The following STIM2 variants were observed in gnomAD, a reference collection of about 807,000 sequenced individuals.
STIM2 encodes the protein stromal interaction molecule 2.
In STIM2, 31 loss-of-function variants were observed where a neutral mutation model predicts 85.8. The observed-to-expected ratio is 0.36, with a 90% CI of 0.27 to 0.49. The LOEUF is 0.49. STIM2 is among the 20% of genes least tolerant of loss of function. The pLI, the probability that STIM2 is intolerant of heterozygous loss-of-function variation, is 0.98. For missense variants in STIM2, 841 were observed against 927.6 expected, an observed-to-expected ratio of 0.91 and a Z score of 1.21; for synonymous variants, 356 against 331.1, an observed-to-expected ratio of 1.08 and a Z score of -0.82.
chr4:26,957,598 TTTCTC>T lies in STIM2; in HGVS notation c.283-9_283-5del, dbSNP rs1211465070. The stretch of plus-strand genomic sequence containing the variant: ...AATGAATTTATATTTAACTTAATGT[TTTCTC>T]TTCTATAGTTCATCAGAGAAGATAT... On this transcript the variant is annotated splice_polypyrimidine_tract_variant and intron_variant, in intron 2 of 11. Coordinates refer to ENST00000467087, the MANE Select transcript of STIM2 (RefSeq NM_020860.4). 1.5e-6 allele frequency: 2 copies of T among 1,364,782 alleles called. No homozygotes were observed. Among genetic ancestry groups the T allele is most frequent in the Non-Finnish European group, 2.0e-6 (2 of 1,005,308 alleles). 84.5% of individuals were successfully genotyped at this position (1,364,782 alleles called of 1,614,324 possible).
chr4:27,008,956 T>G lies in STIM2; in HGVS notation c.1443T>G (p.Val481=), dbSNP rs769392933. The change falls in exon 10 of 12, where the codon GTT becomes GTG. Residue 481 remains valine (V), a synonymous_variant. Coordinates refer to ENST00000467087, the MANE Select transcript of STIM2 (RefSeq NM_020860.4). ...CACCCTATCCAATTGCTGGAGGAGTTGATGACTTAGATGAAGACACACCCC... is the reference window on the plus strand; with the variant it reads ...CACCCTATCCAATTGCTGGAGGAGTGGATGACTTAGATGAAGACACACCCC... 3.1e-6 allele frequency: 5 copies of G among 1,613,994 alleles called. No individual in the cohort carries two copies. In the African/African-American group the frequency reaches 6.7e-5, roughly 22 times the overall value.
intron 10 of STIM2, among the ~76,000 whole-genome samples, chr4:27,010,318 C>T (rs1377676957): frequency 6.6e-6 from 1 of 151,990 alleles, no homozygotes; most frequent in Non-Finnish European, 1.5e-5. Flanking sequence ...GTGGTGTGCG[C>T]CTGTAATCTC....
intron 1 of STIM2, among the ~76,000 whole-genome samples, chr4:26,901,107 A>G (rs376045300): frequency 1.1e-4 from 16 of 152,212 alleles, no homozygotes; most frequent in African/African-American, 3.9e-4. Flanking sequence ...CACCTAGGAC[A>G]TGCTACAAGG....
At chr4:27,001,764 G>A (rs2109130993) in intron 5 of STIM2, among the ~76,000 whole-genome samples, 1 of 152,252 alleles carries the variant, frequency 6.6e-6, no homozygotes, top group South Asian at 2.1e-4. Flanking sequence ...GCCTCCTTGG[G>A]GAAAATACAT....
At chr4:26,873,171 G>A (rs560962479) in intron 1 of STIM2, among the ~76,000 whole-genome samples, 6 of 152,204 alleles carry the variant, frequency 3.9e-5, no homozygotes, top group South Asian at 2.1e-4. Flanking sequence ...AGGCCGAGGC[G>A]GGCGGATCAC....
At chr4:26,928,414 G>C (rs1391768776) in intron 2 of STIM2, among the ~76,000 whole-genome samples, 1 of 152,176 alleles carries the variant, frequency 6.6e-6, no homozygotes, top group Admixed American at 6.5e-5. Flanking sequence ...TATACACAGA[G>C]AAAGTATCAA....
intron 1 of STIM2, among the ~76,000 whole-genome samples, chr4:26,885,614 A>T (rs1374979978): frequency 6.6e-6 from 1 of 151,822 alleles, no homozygotes; most frequent in Non-Finnish European, 1.5e-5. Flanking sequence ...TAGGATTTTA[A>T]TGTGTGATAT....
chr4:26,895,830 A>G (rs1183871825), intron 1 of STIM2, among the ~76,000 whole-genome samples: 1 of 152,230 alleles, frequency 6.6e-6, no homozygotes, highest in Non-Finnish European at 1.5e-5. Context: ...TTCTCTTTGT[A>G]AGGGTGTTTG....
At chr4:26,982,095 T>C (rs933728238) in intron 3 of STIM2, among the ~76,000 whole-genome samples, 3 of 152,182 alleles carry the variant, frequency 2.0e-5, no homozygotes, top group Non-Finnish European at 4.4e-5. Flanking sequence ...GGTTGCTAAA[T>C]GGTAACTTTT....
rs1178692719 is a variant in STIM2 at position 27,017,825 on chromosome 4, C to G, written c.1604C>G (p.Ala535Gly). The change falls in exon 11 of 12, where the codon GCC becomes GGC. Residue 535 changes from alanine (A) to glycine (G), a missense_variant. Coordinates refer to ENST00000467087, the MANE Select transcript of STIM2 (RefSeq NM_020860.4). The stretch of plus-strand genomic sequence containing the variant: ...CAGCGAGCTCAGCTTGCTCCACACG[C>G]CCCCCACCCGTCACACCCTCGGCAC... 4 of 1,613,986 alleles carry G rather than the reference C, an allele frequency of 2.5e-6. No individual in the cohort carries two copies. The highest frequency in any genetic ancestry group is 1.7e-5 in the Admixed American group (1 of 60,000).
At chr4:26,902,345 T>C (rs968611881) in intron 1 of STIM2, among the ~76,000 whole-genome samples, 2 of 152,180 alleles carry the variant, frequency 1.3e-5, no homozygotes, top group African/African-American at 4.8e-5. Context: ...AAGAGCCAAA[T>C]GTTTGTGTTT....
intron 1 of STIM2, among the ~76,000 whole-genome samples, chr4:26,882,020 G>C (rs940177920): frequency 6.6e-6 from 1 of 152,142 alleles, no homozygotes; most frequent in East Asian, 1.9e-4. Flanking sequence ...GTGCCCAATA[G>C]TGTTTTTATT....
chr4:26,945,394 T>A (rs1187069252), intron 2 of STIM2, among the ~76,000 whole-genome samples: 2 of 152,158 alleles, frequency 1.3e-5, no homozygotes, highest in Non-Finnish European at 2.9e-5. Flanking sequence ...TGAATTGTAC[T>A]GCAGTGAACA....
At chr4:26,971,877 G>A (rs1255632250) in intron 3 of STIM2, among the ~76,000 whole-genome samples, 1 of 152,144 alleles carries the variant, frequency 6.6e-6, no homozygotes, top group Non-Finnish European at 1.5e-5. Context: ...CATGAGCATG[G>A]AATATTCTTC....
chr4:26,949,886 A>G (rs1316273150), intron 2 of STIM2, among the ~76,000 whole-genome samples: 4 of 152,208 alleles, frequency 2.6e-5, no homozygotes, highest in African/African-American at 7.2e-5. Flanking sequence ...AAATATATAC[A>G]TAAGTTTTTA....
intron 1 of STIM2, among the ~76,000 whole-genome samples, chr4:26,900,026 G>A (rs1338466794): frequency 6.6e-6 from 1 of 152,252 alleles, no homozygotes; most frequent in Middle Eastern, 3.4e-3. Context: ...GATAAACCGA[G>A]AAGTCTTTTA....
intron 1 of STIM2, among the ~76,000 whole-genome samples, chr4:26,876,458 C>CT (rs1354693880): frequency 6.6e-6 from 1 of 152,120 alleles, no homozygotes; most frequent in Non-Finnish European, 1.5e-5. Flanking sequence ...CCCTGCCTTG[C>CT]TTTACTCTTA....
chr4:26,992,136 T>C lies in STIM2; in HGVS notation c.398-3243T>C, dbSNP rs114377168. ...AAAATCGCTTGTACCCCAAAAGCTATTGAAATTTAGAAAATGTTAAAAAAG... is the reference window on the plus strand; with the variant it reads ...AAAATCGCTTGTACCCCAAAAGCTACTGAAATTTAGAAAATGTTAAAAAAG... On this transcript the variant is annotated intron_variant, in intron 3 of 11. Transcript: ENST00000467087. Among the ~76,000 whole-genome samples, 1,172 of 152,260 alleles carry C rather than the reference T, an allele frequency of 7.7e-3. 15 individuals are homozygous for C. Among genetic ancestry groups the C allele is most frequent in the African/African-American group, 0.026 (1,092 of 41,574 alleles).
Position 26,957,730 on chromosome 4 carries a change from A to C in STIM2, c.397+4A>C. The C allele has an allele frequency of 1.3e-6, 2 of 1,579,682 alleles. No individual in the cohort carries two copies. The highest frequency in any genetic ancestry group is 1.7e-6 in the Non-Finnish European group (2 of 1,157,744). ...AAACGATGGAAAACATCAGAAGGTA[A>C]GACTGCCTTTGTGATCTGGCCCCCT... On this transcript the variant is annotated splice_donor_region_variant and intron_variant, in intron 3 of 11. Coordinates refer to ENST00000467087, the MANE Select transcript of STIM2 (RefSeq NM_020860.4).
Sources: allele counts gnomAD v4.1 joint callset (sites outside exome capture counted in the v4.1 genomes callset), GRCh38; gene constraint gnomAD v4.1.1; transcripts MANE v1.5; gene names NCBI Gene and HGNC (gene_info 2026-07-23, HGNC 2026-07-21).